Variants in SLC26A6 observed in about 807,000 individuals in gnomAD.
SLC26A6 encodes the protein solute carrier family 26 member 6.
SLC26A6 carries 67 observed loss-of-function variants against 87.1 expected under a neutral mutation model. That is an observed-to-expected ratio of 0.77 (90% confidence interval 0.63 to 0.94). The LOEUF is 0.94. Ranked by LOEUF, SLC26A6 falls within the 40% of genes least tolerant of loss-of-function variation. The probability of loss-of-function intolerance (pLI) is 0.00; values close to 1 mark genes in which losing one functional copy is unlikely to be tolerated. For synonymous variants in SLC26A6, 414 were observed against 405.9 expected (o/e 1.02, Z -0.24); for missense variants, 902 against 973.0 (o/e 0.93, Z 0.97).
In SLC26A6 at chr3:48,626,894, GCA is replaced by G. The variant is rs1559463988; in HGVS notation, c.2053_2054del (p.Cys685ProfsTer10). 8 of 1,613,722 alleles carry G rather than the reference GCA, an allele frequency of 5.0e-6. No individual in the cohort carries two copies. In the South Asian group the frequency reaches 7.7e-5, roughly 16 times the overall value. On this transcript the variant is annotated frameshift_variant, in exon 18 of 21. Coordinates refer to ENST00000395550, the MANE Select transcript of SLC26A6 (RefSeq NM_022911.3). LOFTEE classifies it high-confidence loss of function. ...TCCTTACATTCTTCAGGCTCTTGAG[GCA>G]CACAGTGTCCACAAAGGAGAGGGCA... Reference protein sequence around the residue: ...LGALSFVDTVCLKSLKNIFHD... With the variant: ...LGALSFVDTVXLKSLKNIFHD...
intron 17 of SLC26A6, chr3:48,627,535 CA>C (rs2046659578): frequency 5.3e-6 from 1 of 188,684 alleles, no homozygotes; most frequent in South Asian, 1.3e-4. Context: ...TATTCACAGG[CA>C]CCATTAGAGC....
rs750322158 is a variant in SLC26A6, at chr3:48,628,537, C to T, written c.1697G>A (p.Gly566Asp). The T allele has an allele frequency of 6.2e-7, 1 of 1,614,110 alleles. No individual in the cohort carries two copies. The highest frequency in any genetic ancestry group is 8.5e-7 in the Non-Finnish European group (1 of 1,179,990). Residue 566 changes from glycine to aspartate, a missense_variant, in exon 16 of 21, where the codon GGT becomes GAT. Physicochemically the swap from Gly to Asp is moderately conservative, Grantham distance 94. This residue lies in a region of SLC26A6 where 800 missense variants were observed against 856.8 expected (regional missense o/e 0.93). Coordinates refer to ENST00000395550, the MANE Select transcript of SLC26A6 (RefSeq NM_022911.3). This position sits in a 1 kb window ranked among gnomAD's most constrained non-coding sequence, Gnocchi z 4.4. ...GGAGATGAGGAAGTCGACATCCACA[C>T]CACACTGGAGGCAAACATCAGAGAA... ...FYSDALKQRC[G>D]VDVDFLISQK... is the part of the protein sequence containing the mutation.
In SLC26A6 at chr3:48,627,591, T is replaced by C. The variant is rs115256473; in HGVS notation, c.1893+355A>G. ...CTGGGCTCAAATGATTTTCCCGCCT[T>C]AGCCTCCCGAAGAGCTGGGACTACA... On this transcript the variant is annotated intron_variant, in intron 17 of 20. Coordinates refer to ENST00000395550, the MANE Select transcript of SLC26A6 (RefSeq NM_022911.3). 3.9e-3 allele frequency: 776 copies of C among 197,288 alleles called. 5 individuals carry two copies. Among genetic ancestry groups the C allele is most frequent in the African/African-American group, 0.017 (723 of 42,712 alleles). 12.2% of individuals were successfully genotyped at this position (197,288 alleles called of 1,614,324 possible). A position where few individuals can be genotyped will look rare whatever the true frequency, so the allele number is the denominator to read the frequency against.
In SLC26A6 at chr3:48,625,850, G is replaced by T. The variant is rs1292032866; in HGVS notation, c.*136C>A. The T allele has an allele frequency of 8.6e-7, 1 of 1,169,422 alleles. No homozygotes were observed. The allele number at this position is 1,169,422 out of a possible 1,614,324, so 72.4% of individuals were successfully genotyped here. On this transcript the variant is annotated 3_prime_UTR_variant, in exon 21 of 21. Transcript: ENST00000395550. This position sits in a 1 kb window ranked among gnomAD's most constrained non-coding sequence, Gnocchi z 4.7. ...TGGAGCGCTGAACTTGGAGTCCCAG[G>T]ACCTCCTTCCCTGAGTTGTGTGTGT...
chr3:48,627,945 C>G lies in SLC26A6; in HGVS notation c.1893+1G>C. The G allele has an allele frequency of 6.3e-7, 1 of 1,585,732 alleles. No individual in the cohort carries two copies. Among genetic ancestry groups the G allele is most frequent in the South Asian group, 1.2e-5 (1 of 86,050 alleles). On this transcript the variant is annotated splice_donor_variant, in intron 17 of 20. Coordinates refer to ENST00000395550, the MANE Select transcript of SLC26A6 (RefSeq NM_022911.3). LOFTEE classifies it high-confidence loss of function. The stretch of plus-strand genomic sequence containing the variant: ...ACCTCCTTTCCCACCTCCAGTCTCA[C>G]CATCATCTTGCAGTCCTCAACGTTG...
Position 48,628,151 on chromosome 3 carries a change from A to C in SLC26A6, c.1801-113T>G. 1 of 1,038,724 alleles carries C rather than the reference A, an allele frequency of 9.6e-7. No individual in the cohort carries two copies. Among genetic ancestry groups the C allele is most frequent in the Non-Finnish European group, 1.4e-6 (1 of 714,012 alleles). The allele number at this position is 1,038,724 out of a possible 1,614,324, so 64.3% of individuals were successfully genotyped here. On this transcript the variant is annotated intron_variant, in intron 16 of 20. Transcript: ENST00000395550. This position sits in a 1 kb window ranked among gnomAD's most constrained non-coding sequence, Gnocchi z 4.4. ...CTGGGCAGGTGGGTGGGCCAGGACC[A>C]GAAGCTGTGGGACCTGCAGCAGCCA...
In SLC26A6 at chr3:48,632,434, G is replaced by C. The variant is rs2046831409; in HGVS notation, c.434-38C>G. On this transcript the variant is annotated intron_variant, in intron 4 of 20. Transcript: ENST00000395550. ...CACGGGGCAGGTCTGAAGAGGAGAG[G>C]ACACTGCCCTGCCCTGGAGCCCTGG... 1.9e-6 allele frequency: 3 copies of C among 1,588,236 alleles called. No homozygotes were observed. The East Asian group carries it at 6.8e-5, about 36-fold the overall frequency.
Position 48,630,147 on chromosome 3 carries a change from G to T in SLC26A6, c.1337C>A (p.Ala446Glu). 1.2e-6 allele frequency: 2 copies of T among 1,608,130 alleles called. No individual in the cohort carries two copies. Among genetic ancestry groups the T allele is most frequent in the Non-Finnish European group, 1.7e-6 (2 of 1,175,604 alleles). ...LFHDLPKAVLAAIIIVNLKGM... is the reference protein window; with the variant it reads ...LFHDLPKAVLEAIIIVNLKGM... ...CTTCAGGTTCACAATGATGATGGCT[G>T]CCAGGACCGCCTGGGGTGGGGACAG... The change falls in exon 12 of 21, where the codon GCA (alanine) becomes GAA (glutamate). Residue 446 changes from alanine to glutamate, a missense_variant. This residue lies in a region of SLC26A6 where 800 missense variants were observed against 856.8 expected (regional missense o/e 0.93). Coordinates refer to ENST00000395550, the MANE Select transcript of SLC26A6 (RefSeq NM_022911.3).
Position 48,631,223 on chromosome 3 carries a change from C to T in SLC26A6, c.986+1G>A. 1 of 1,611,166 alleles carries T rather than the reference C, an allele frequency of 6.2e-7. No individual in the cohort carries two copies. The highest frequency in any genetic ancestry group is 8.5e-7 in the Non-Finnish European group (1 of 1,178,226). The stretch of plus-strand genomic sequence containing the variant: ...CTGACCTGATGGAGGCCAGAGCTCA[C>T]CCTGCAGGGATGTTGCCCACGACAT... On this transcript the variant is annotated splice_donor_variant, in intron 8 of 20. Coordinates refer to ENST00000395550, the MANE Select transcript of SLC26A6 (RefSeq NM_022911.3). LOFTEE classifies it high-confidence loss of function.
At chr3:48,627,543 G>C in intron 17 of SLC26A6, 1 of 191,866 alleles carries the variant, frequency 5.2e-6, no homozygotes, top group Non-Finnish European at 1.1e-5. Context: ...GGCACCATTA[G>C]AGCGCACTGC....
chr3:48,626,606 C>T (rs1323982910), intron 19 of SLC26A6, 25 bp downstream of exon 19: 1 of 1,614,134 alleles, frequency 6.2e-7, no homozygotes, highest in Non-Finnish European at 8.5e-7. Flanking sequence ...TCCCAGGTCC[C>T]TCCTGCTGTT....
Position 48,627,269 on chromosome 3 carries a change from TCTG to T in SLC26A6, c.1894-217_1894-215del, listed in dbSNP as rs1258371628. The T allele has an allele frequency of 5.1e-6, 3 of 590,990 alleles. No homozygotes were observed. In the African/African-American group the frequency reaches 5.6e-5, roughly 11 times the overall value. 36.6% of individuals were successfully genotyped at this position (590,990 alleles called of 1,614,324 possible). On this transcript the variant is annotated intron_variant, in intron 17 of 20. Transcript: ENST00000395550. ...GCACACCCAGATGTGCATATACTGC[TCTG>T]CTACCTCCTGGGCCGACGCTGCACA...
chr3:48,632,199 G>C (rs773955666), intron 5 of SLC26A6, 46 bp downstream of exon 5: 1 of 1,569,704 alleles, frequency 6.4e-7, no homozygotes, highest in Non-Finnish European at 8.7e-7. Flanking sequence ...ACAGTGGCGG[G>C]AGCAGAAGTG....
At chr3:48,633,140 G>A in intron 3 of SLC26A6, 56 bp from the exon 4 acceptor site, 1 of 1,585,524 alleles carries the variant, frequency 6.3e-7, no homozygotes, top group African/African-American at 1.3e-5. Flanking sequence ...AAACGATAAG[G>A]GAATCCCAGC....
rs200961964 is a variant in SLC26A6 at position 48,633,585 on chromosome 3, C to T, written c.74G>A (p.Arg25Gln). ...LLSATQAMDL[R>Q]RRDYHMERPL... ...CCGTTCCATGTGGTAGTCTCGCCTC[C>T]GCAGGTCCATTGCTTGTGTTGCAGA... Residue 25 changes from arginine to glutamine, a missense_variant, in exon 2 of 21, where the codon CGG becomes CAG. Around this residue, in one of 3 missense-constraint regions of SLC26A6, gnomAD observed 800 missense variants for 856.8 expected, o/e 0.93. Coordinates refer to ENST00000395550, the MANE Select transcript of SLC26A6 (RefSeq NM_022911.3). 185 of 1,613,564 alleles carry T rather than the reference C, an allele frequency of 1.1e-4. No homozygotes were observed. The highest frequency in any genetic ancestry group is 1.1e-3 in the African/African-American group (86 of 75,048).
chr3:48,635,455 G>A lies in SLC26A6; in HGVS notation c.-62C>T, dbSNP rs1327736431. Reference sequence around the variant, plus strand: ...CTCGAGCTAGAGGCCGCTACGCTCCGGAAGGCGGCGCCGGGACCGGGTGAG... The same window carrying A: ...CTCGAGCTAGAGGCCGCTACGCTCCAGAAGGCGGCGCCGGGACCGGGTGAG... On this transcript the variant is annotated 5_prime_UTR_variant, in exon 1 of 21. Coordinates refer to ENST00000395550, the MANE Select transcript of SLC26A6 (RefSeq NM_022911.3). 42 of 1,543,968 alleles carry A rather than the reference G, an allele frequency of 2.7e-5. 1 individual carries two copies. In the Admixed American group the frequency reaches 7.6e-4, roughly 28 times the overall value.
intron 6 of SLC26A6, 22 bp downstream of exon 6, chr3:48,631,858 C>T (rs201797200): frequency 6.2e-7 from 1 of 1,613,298 alleles, no homozygotes; most frequent in African/African-American, 1.3e-5. Flanking sequence ...ACCTACCCCT[C>T]CCTCCCCCTA....
Position 48,628,149 on chromosome 3 carries a change from C to T in SLC26A6, c.1801-111G>A, listed in dbSNP as rs2046677941. ...TGCTGGGCAGGTGGGTGGGCCAGGA[C>T]CAGAAGCTGTGGGACCTGCAGCAGC... On this transcript the variant is annotated intron_variant, in intron 16 of 20. Transcript: ENST00000395550. This position sits in a 1 kb window ranked among gnomAD's most constrained non-coding sequence, Gnocchi z 4.4. The T allele has an allele frequency of 2.6e-5, 28 of 1,067,450 alleles. No individual in the cohort carries two copies. The highest frequency in any genetic ancestry group is 3.6e-5 in the Non-Finnish European group (27 of 739,852). 66.1% of individuals were successfully genotyped at this position (1,067,450 alleles called of 1,614,324 possible).
At chr3:48,634,766 G>A (rs1281329936) in intron 1 of SLC26A6, 1 of 985,232 alleles carries the variant, frequency 1.0e-6, no homozygotes, top group Non-Finnish European at 1.2e-6. Context: ...TACTGTTGGA[G>A]GAGTGTGGAG....
Sources: gnomAD v4.1 joint callset for allele counts on GRCh38, gnomAD v4.1.1 for gene constraint, gnomAD v4.1.1 regional missense constraint, Gnocchi (gnomAD v3.1) non-coding constraint, MANE v1.5 for transcripts, NCBI Gene and HGNC (gene_info 2026-07-23, HGNC 2026-07-21) for gene names.